Variants in PHLDB3 observed in about 807,000 individuals in gnomAD.
PHLDB3 encodes the protein pleckstrin homology like domain family B member 3.
Under a neutral mutation model 85.7 loss-of-function variants are expected in PHLDB3, and 86 were observed. The ratio of observed to expected loss-of-function variants is 1.00; its 90% CI spans 0.84 to 1.20. The LOEUF (loss-of-function observed/expected upper bound fraction) is 1.20, where lower values mean the gene tolerates loss of function less well. PHLDB3 is among the 50% of genes most tolerant of loss of function. The probability of loss-of-function intolerance (pLI) is 0.00; values close to 1 mark genes in which losing one functional copy is unlikely to be tolerated. For synonymous variants in PHLDB3, 376 were observed against 349.8 expected, an observed-to-expected ratio of 1.07 and a Z score of -0.83; for missense variants, 995 against 873.0, an observed-to-expected ratio of 1.14 and a Z score of -1.76.
intron 13 of PHLDB3, among the ~76,000 whole-genome samples, chr19:43,485,472 A>G (rs1971133941): frequency 6.6e-6 from 1 of 151,804 alleles, no homozygotes; most frequent in Non-Finnish European, 1.5e-5. Context: ...CAGCCTCCCA[A>G]AGTGCTGGGA....
intron 4 of PHLDB3, among the ~76,000 whole-genome samples, chr19:43,500,963 G>A (rs910147772): frequency 2.3e-5 from 3 of 132,166 alleles, no homozygotes; most frequent in African/African-American, 8.8e-5. Context: ...ACTTGGCCCA[G>A]CCTAAAAGGA....
intron 4 of PHLDB3, among the ~76,000 whole-genome samples, chr19:43,501,003 C>T (rs1971582545): frequency 6.7e-6 from 1 of 149,168 alleles, no homozygotes; most frequent in South Asian, 2.1e-4. Flanking sequence ...ACACTCTAAA[C>T]ATATGTACAG....
rs1283883446 is a variant in PHLDB3, at chr19:43,475,292, G to A, written c.*118C>T. On this transcript the variant is annotated 3_prime_UTR_variant, in exon 16 of 16. Transcript: ENST00000292140. ...GAACTGCCGCGCCTGCGGAATTCCC[G>A]GGAGAGTTCCAAAGCGGTGCGTCCA... 2.9e-6 allele frequency: 4 copies of A among 1,370,614 alleles called. No individual in the cohort carries two copies. The highest frequency in any genetic ancestry group is 2.5e-5 in the Admixed American group (1 of 40,078). 84.9% of individuals were successfully genotyped at this position (1,370,614 alleles called of 1,614,324 possible).
chr19:43,502,050 C>T (rs1024288797), intron 3 of PHLDB3, 51 bp downstream of exon 3: 1 of 1,533,440 alleles, frequency 6.5e-7, no homozygotes, highest in African/African-American at 1.4e-5. Flanking sequence ...TCCGGCTTTG[C>T]GGGTTCCGCT....
intron 9 of PHLDB3, among the ~76,000 whole-genome samples, chr19:43,490,041 A>G (rs952436644): frequency 2.8e-5 from 4 of 143,954 alleles, no homozygotes; most frequent in East Asian, 5.1e-4. Context: ...AAGAGAGAGA[A>G]AAAGGAAGGA....
rs1248570317 is a variant in PHLDB3, at chr19:43,500,909, A to ACCCCCCCCCCCCCCCCCCCCCC, written c.534+824_534+825insGGGGGGGGGGGGGGGGGGGGGG. On this transcript the variant is annotated intron_variant, in intron 4 of 15. Transcript: ENST00000292140. ...CCTCCCACTTTGCCCCGCCCCCCGT[A>ACCCCCCCCCCCCCCCCCCCCCC]CCCCCCCCCCACCCCGCAAGTACTG... Among the ~76,000 whole-genome samples the ACCCCCCCCCCCCCCCCCCCCCC allele has an allele frequency of 1.3e-3, 22 of 17,170 alleles. 2 individuals are homozygous for ACCCCCCCCCCCCCCCCCCCCCC. The highest frequency in any genetic ancestry group is 2.5e-3 in the Admixed American group (4 of 1,630). The allele number at this position is 17,170 out of a possible 152,430, so 11.3% of individuals were successfully genotyped here.
chr19:43,486,852 G>T lies in PHLDB3; in HGVS notation c.1268C>A (p.Ala423Asp), dbSNP rs879939244. The change falls in exon 11 of 16, where the codon GCT (alanine) becomes GAT (aspartate). Residue 423 changes from alanine to aspartate, a missense_variant. Ala to Asp is a moderately radical substitution (Grantham distance 126). Coordinates refer to ENST00000292140, the MANE Select transcript of PHLDB3 (RefSeq NM_198850.4). ...GGAGTCCCCCACTGCTGGCGGGAGA[G>T]CTGAGGCCTCCAGGGATTCTAGGGT... ...FHCTESLEAS[A>D]LPPAVGDSGR... is the part of the protein sequence containing the mutation. The T allele has an allele frequency of 1.4e-5, 22 of 1,568,100 alleles. No individual in the cohort carries two copies. Among genetic ancestry groups the T allele is most frequent in the Non-Finnish European group, 1.9e-5 (22 of 1,155,694 alleles).
At chr19:43,479,279 T>C (rs1051621622) in intron 14 of PHLDB3, 98 bp downstream of exon 14, 22 of 1,260,882 alleles carry the variant, frequency 1.7e-5, no homozygotes, top group Middle Eastern at 5.2e-4. Flanking sequence ...CTGGGGAACA[T>C]GGAAAGTGGG....
intron 9 of PHLDB3, among the ~76,000 whole-genome samples, chr19:43,491,409 C>G (rs2145922645): frequency 6.6e-6 from 1 of 152,146 alleles, no homozygotes; most frequent in South Asian, 2.1e-4. Flanking sequence ...ATTAGCAATT[C>G]CATAAGATTC....
chr19:43,486,126 A>G (rs1971148913), intron 13 of PHLDB3, 140 bp downstream of exon 13: 1 of 1,412,520 alleles, frequency 7.1e-7, no homozygotes, highest in Non-Finnish European at 9.2e-7. Flanking sequence ...GGTCCTCTGC[A>G]GTTCCCTTTC....
intron 9 of PHLDB3, among the ~76,000 whole-genome samples, chr19:43,491,114 G>A (rs556311652): frequency 6.6e-6 from 1 of 152,292 alleles, no homozygotes; most frequent in African/African-American, 2.4e-5. Flanking sequence ...CCATAGGACT[G>A]GACATGGCGT....
rs115701481 is a variant in PHLDB3, at chr19:43,499,459, G to C, written c.535-1583C>G. Among the ~76,000 whole-genome samples the C allele has an allele frequency of 3.7e-3, 556 of 152,108 alleles. 3 individuals are homozygous for C. The highest frequency in any genetic ancestry group is 0.013 in the African/African-American group (537 of 41,508). Reference sequence around the variant, plus strand: ...GGACTCCTGGGACAGAGGGAGAAGGGGCTGCGACCGAGATTTCTGGATCTG... The same window carrying C: ...GGACTCCTGGGACAGAGGGAGAAGGCGCTGCGACCGAGATTTCTGGATCTG... On this transcript the variant is annotated intron_variant, in intron 4 of 15. Coordinates refer to ENST00000292140, the MANE Select transcript of PHLDB3 (RefSeq NM_198850.4).
At chr19:43,494,064 A>T (rs977963238) in intron 9 of PHLDB3, among the ~76,000 whole-genome samples, 4 of 152,018 alleles carry the variant, frequency 2.6e-5, no homozygotes, top group Non-Finnish European at 5.9e-5. Flanking sequence ...ACAAAGTCTC[A>T]CTCTGTCGCC....
chr19:43,504,083 C>T lies in PHLDB3; in HGVS notation c.36G>A (p.Pro12=), dbSNP rs1439333115. The part of the protein sequence containing the change: ...GTRSSPEEGT[P]PPLVPECDVE... ...CGTCGCATTCCGGGACCAGCGGCGG[C>T]GGGGTCCCCTCCTCGGGGCTGCTTC... The change falls in exon 2 of 16, where the codon CCG becomes CCA. Residue 12 remains proline (P), a synonymous_variant. Transcript: ENST00000292140. 8.7e-6 allele frequency: 14 copies of T among 1,611,374 alleles called. No homozygotes were observed. Among genetic ancestry groups the T allele is most frequent in the Non-Finnish European group, 1.1e-5 (13 of 1,178,914 alleles).
At chr19:43,495,020 G>A (rs10407504) in intron 8 of PHLDB3, among the ~76,000 whole-genome samples, 1 of 147,670 alleles carries the variant, frequency 6.8e-6, no homozygotes, top group Non-Finnish European at 1.5e-5. Context: ...GGGGCTGGGG[G>A]CTGGACTCCT....
At chr19:43,504,224 C>G (rs1390920412) in intron 1 of PHLDB3, 92 bp from the exon 2 acceptor site, 23 of 1,180,998 alleles carry the variant, frequency 1.9e-5, no homozygotes, top group Admixed American at 2.7e-5. Flanking sequence ...AGACCCCCCC[C>G]CAAGGAGGCG....
chr19:43,484,526 G>A (rs1971112591), intron 13 of PHLDB3, among the ~76,000 whole-genome samples: 1 of 151,624 alleles, frequency 6.6e-6, no homozygotes, highest in Non-Finnish European at 1.5e-5. Flanking sequence ...CGGACAGCAT[G>A]GCAAAACCCC....
rs1443018305 is a variant in PHLDB3 at position 43,494,694 on chromosome 19, G to A, written c.1149+8C>T. 1 of 1,600,898 alleles carries A rather than the reference G, an allele frequency of 6.2e-7. No homozygotes were observed. Among genetic ancestry groups the A allele is most frequent in the Non-Finnish European group, 8.5e-7 (1 of 1,170,782 alleles). On this transcript the variant is annotated splice_region_variant and intron_variant, in intron 9 of 15. Coordinates refer to ENST00000292140, the MANE Select transcript of PHLDB3 (RefSeq NM_198850.4). ...TATATGGGGAAACAGAGGCCGTGGG[G>A]GAGGCACCTGCAGGGAGCTGTGGAC...
chr19:43,496,866 A>G, intron 6 of PHLDB3: 1 of 438,392 alleles, frequency 2.3e-6, no homozygotes, highest in Non-Finnish European at 3.5e-6. Context: ...TTCTTTATTT[A>G]TAACGTGAAA....
Sources: allele counts gnomAD v4.1 joint callset (sites outside exome capture counted in the v4.1 genomes callset), GRCh38; gene constraint gnomAD v4.1.1; transcripts MANE v1.5; gene names NCBI Gene and HGNC (gene_info 2026-07-23, HGNC 2026-07-21).